Variants in SORCS1 observed in about 807,000 individuals in gnomAD.
The protein encoded by SORCS1 is VPS10 domain-containing receptor SorCS1.
Under a neutral mutation model 146.1 loss-of-function variants are expected in SORCS1, and 60 were observed. The ratio of observed to expected loss-of-function variants is 0.41; its 90% confidence interval spans 0.33 to 0.51. The LOEUF is 0.51. Among genes scored for constraint, SORCS1 ranks in the 20% least tolerant of loss-of-function variants. SORCS1 has a pLI of 0.21. For synonymous variants in SORCS1, 637 were observed against 584.0 expected, an observed-to-expected ratio of 1.09 and a Z score of -1.31; for missense variants, 1,352 against 1,487.6, an observed-to-expected ratio of 0.91 and a Z score of 1.50.
intron 17 of SORCS1, among the ~76,000 whole-genome samples, chr10:106,656,376 T>G (rs1850287666): frequency 1.3e-5 from 2 of 151,934 alleles, no homozygotes; most frequent in Admixed American, 6.6e-5. Context: ...CAGTGAAACC[T>G]TGTCTCTACT....
intron 1 of SORCS1, among the ~76,000 whole-genome samples, chr10:107,125,491 G>A (rs1382037996): frequency 2.6e-5 from 4 of 152,214 alleles, no homozygotes; most frequent in Non-Finnish European, 5.9e-5. Flanking sequence ...TATTCACTCG[G>A]TCACTACTCA....
chr10:107,036,217 A>G (rs188544306), intron 1 of SORCS1, among the ~76,000 whole-genome samples: 210 of 152,258 alleles, frequency 1.4e-3, no homozygotes, highest in African/African-American at 4.6e-3. Context: ...AAAAAATAAT[A>G]TGAATAAAAA....
intron 18 of SORCS1, among the ~76,000 whole-genome samples, chr10:106,651,049 A>G (rs1161310130): frequency 6.6e-6 from 1 of 152,182 alleles, no homozygotes; most frequent in Non-Finnish European, 1.5e-5. Flanking sequence ...TTCCAACTGA[A>G]GAATTTTTGG....
intron 3 of SORCS1, among the ~76,000 whole-genome samples, chr10:106,802,577 C>T (rs922233703): frequency 1.3e-5 from 2 of 151,998 alleles, no homozygotes; most frequent in Non-Finnish European, 2.9e-5. Context: ...TGGCACACTG[C>T]AATCTCCGCC....
At chr10:107,159,996 C>T (rs1969582030) in intron 1 of SORCS1, among the ~76,000 whole-genome samples, 1 of 152,190 alleles carries the variant, frequency 6.6e-6, no homozygotes, top group Admixed American at 6.5e-5. Context: ...ACCTCTTGCT[C>T]ACTGAATCAC....
chr10:107,043,894 A>G (rs1211659929), intron 1 of SORCS1, among the ~76,000 whole-genome samples: 4 of 152,228 alleles, frequency 2.6e-5, no homozygotes, highest in Admixed American at 2.6e-4. Flanking sequence ...CATCTTTCCG[A>G]AAGTCCTGCT....
chr10:106,630,235 C>T (rs542668408), intron 18 of SORCS1, among the ~76,000 whole-genome samples: 101 of 152,278 alleles, frequency 6.6e-4, no homozygotes, highest in African/African-American at 2.0e-3. Flanking sequence ...GGACACTGTA[C>T]GCAGCCCTAT....
chr10:106,923,378 G>A (rs1379824533), intron 2 of SORCS1, among the ~76,000 whole-genome samples: 1 of 152,116 alleles, frequency 6.6e-6, no homozygotes, highest in Non-Finnish European at 1.5e-5. Flanking sequence ...TTGTATGGAT[G>A]TACCAAAATC....
chr10:107,148,263 C>T (rs1420771657), intron 1 of SORCS1, among the ~76,000 whole-genome samples: 1 of 152,164 alleles, frequency 6.6e-6, no homozygotes, highest in African/African-American at 2.4e-5. Flanking sequence ...CAGGCCTTGG[C>T]AAACGTTCCT....
chr10:106,911,793 G>A (rs1952169649), intron 2 of SORCS1, among the ~76,000 whole-genome samples: 1 of 152,062 alleles, frequency 6.6e-6, no homozygotes, highest in Non-Finnish European at 1.5e-5. Context: ...GTGGAAGCGG[G>A]GGACTCAGGC....
chr10:106,885,191 T>C (rs1490184856), intron 2 of SORCS1, among the ~76,000 whole-genome samples: 1 of 151,958 alleles, frequency 6.6e-6, no homozygotes, highest in Non-Finnish European at 1.5e-5. Context: ...ACAATAATCA[T>C]ATAATTTTTT....
In SORCS1 at chr10:106,602,033, T is replaced by G. The variant is rs542216039; in HGVS notation, c.3166-4583A>C. ...TAATGAAATCAAGAGGGGGAAACAC[T>G]ATCAGATGATCAGAAGTAAAGTGGC... On this transcript the variant is annotated intron_variant, in intron 23 of 25. Coordinates refer to ENST00000263054, the MANE Select transcript of SORCS1 (RefSeq NM_052918.5). Among the ~76,000 whole-genome samples, 202 of 152,302 alleles carry G rather than the reference T, an allele frequency of 1.3e-3. 5 individuals carry two copies. The South Asian group carries it at 0.033, about 25-fold the overall frequency.
At chr10:106,829,918 T>A (rs1266329655) in intron 2 of SORCS1, among the ~76,000 whole-genome samples, 1 of 152,194 alleles carries the variant, frequency 6.6e-6, no homozygotes, top group African/African-American at 2.4e-5. Context: ...GCACATTGCA[T>A]AAAGAATGTG....
At chr10:106,966,107 G>A (rs1405044929) in intron 1 of SORCS1, among the ~76,000 whole-genome samples, 3 of 152,174 alleles carry the variant, frequency 2.0e-5, no homozygotes, top group Non-Finnish European at 2.9e-5. Context: ...GCAGCTAACT[G>A]CAGATTTCCA....
At chr10:106,902,867 A>G (rs1951766886) in intron 2 of SORCS1, among the ~76,000 whole-genome samples, 1 of 152,220 alleles carries the variant, frequency 6.6e-6, no homozygotes, top group East Asian at 1.9e-4. Flanking sequence ...TCACAAGGTC[A>G]GGAGATTGAG....
At chr10:107,088,486 G>T (rs1963936395) in intron 1 of SORCS1, among the ~76,000 whole-genome samples, 1 of 152,124 alleles carries the variant, frequency 6.6e-6, no homozygotes, top group South Asian at 2.1e-4. Flanking sequence ...TCTGTGACTG[G>T]TTTTCCTATT....
In SORCS1 at chr10:106,667,770, T is replaced by C; in HGVS notation, c.2222A>G (p.Gln741Arg). 1 of 1,614,094 alleles carries C rather than the reference T, an allele frequency of 6.2e-7. No homozygotes were observed. The highest frequency in any genetic ancestry group is 1.1e-5 in the South Asian group (1 of 91,040). ...DYGYERHSNG[Q>R]CLPAFWFNPS... is the part of the protein sequence containing the mutation. ...ATTGAACCAAAATGCCGGCAGGCAC[T>C]GGCCATTGCTGTGTCGCTCATAACC... The change falls in exon 17 of 26, where the codon CAG becomes CGG. Residue 741 changes from glutamine (Q) to arginine (R), a missense_variant. Physicochemically the swap from Gln to Arg is conservative, Grantham distance 43. This residue lies in a region of SORCS1 where 648 missense variants were observed against 793.8 expected (regional missense o/e 0.82). Coordinates refer to ENST00000263054, the MANE Select transcript of SORCS1 (RefSeq NM_052918.5).
At chr10:106,950,693 G>A (rs990317895) in intron 2 of SORCS1, among the ~76,000 whole-genome samples, 1 of 151,838 alleles carries the variant, frequency 6.6e-6, no homozygotes, top group Non-Finnish European at 1.5e-5. Context: ...TGCTTGTTTG[G>A]GTATAGAAAG....
At chr10:106,738,271 A>G (rs928470601) in intron 5 of SORCS1, among the ~76,000 whole-genome samples, 1 of 152,248 alleles carries the variant, frequency 6.6e-6, no homozygotes, top group Non-Finnish European at 1.5e-5. Flanking sequence ...AATAATTAAT[A>G]CAGCTGTACT....
Sources: gnomAD v4.1 joint callset for allele counts (sites outside exome capture counted in the v4.1 genomes callset) on GRCh38, gnomAD v4.1.1 for gene constraint, gnomAD v4.1.1 regional missense constraint, MANE v1.5 for transcripts, NCBI Gene and HGNC (gene_info 2026-07-23, HGNC 2026-07-21) for gene names.